The following CTNNA3 variants were observed in gnomAD, a reference collection of about 807,000 sequenced individuals.
CTNNA3 encodes catenin alpha-3.
CTNNA3 carries 76 observed loss-of-function variants against 95.7 expected under a neutral mutation model. The ratio of observed to expected loss-of-function variants is 0.79; its 90% confidence interval spans 0.66 to 0.96. The LOEUF (loss-of-function observed/expected upper bound fraction) is 0.96. CTNNA3 is among the 40% of genes least tolerant of loss of function. The pLI is 0.00. For synonymous variants in CTNNA3, 431 were observed against 374.4 expected (o/e 1.15, Z -1.74); for missense variants, 1,191 against 1,089.8 (o/e 1.09, Z -1.31).
intron 5 of CTNNA3, among the ~76,000 whole-genome samples, chr10:67,240,821 A>G (rs1297628579): frequency 2.0e-5 from 3 of 152,184 alleles, no homozygotes; most frequent in Admixed American, 6.5e-5. Flanking sequence ...GTGTCAGTCA[A>G]GAAAATGTAG....
intron 3 of CTNNA3, among the ~76,000 whole-genome samples, chr10:67,577,916 G>A (rs947830205): frequency 2.0e-5 from 3 of 148,450 alleles, no homozygotes; most frequent in African/African-American, 7.7e-5. Context: ...AGTCCTTTGG[G>A]AAATCTCCAT....
intron 6 of CTNNA3, among the ~76,000 whole-genome samples, chr10:67,218,756 T>C (rs187253421): frequency 4.6e-4 from 70 of 152,356 alleles, no homozygotes; most frequent in Non-Finnish European, 5.6e-4. Context: ...AGGTGGTTCA[T>C]GTAAAGTGTA....
intron 15 of CTNNA3, among the ~76,000 whole-genome samples, chr10:66,027,445 C>G (rs2079364195): frequency 6.6e-6 from 1 of 152,094 alleles, no homozygotes; most frequent in Admixed American, 6.6e-5. Flanking sequence ...TCTCCCTGTG[C>G]TCACCCTATG....
At chr10:67,386,434 A>G (rs1211727076) in intron 5 of CTNNA3, among the ~76,000 whole-genome samples, 1 of 152,016 alleles carries the variant, frequency 6.6e-6, no homozygotes, top group South Asian at 2.1e-4. Flanking sequence ...CTAACATACC[A>G]CATACCACCC....
At chr10:66,130,606 A>G (rs2133846586) in intron 13 of CTNNA3, among the ~76,000 whole-genome samples, 1 of 152,266 alleles carries the variant, frequency 6.6e-6, no homozygotes, top group Non-Finnish European at 1.5e-5. Context: ...GCACTTTAGG[A>G]AGCTAAGGCA....
intron 5 of CTNNA3, among the ~76,000 whole-genome samples, chr10:67,283,696 C>A (rs1453488560): frequency 1.3e-5 from 2 of 152,152 alleles, no homozygotes; most frequent in Non-Finnish European, 2.9e-5. Flanking sequence ...TACTTCCTGT[C>A]ATTCCTGCTC....
rs529017775 is a variant in CTNNA3 at position 66,309,509 on chromosome 10, T to G, written c.1733-28888A>C. Among the ~76,000 whole-genome samples the G allele has an allele frequency of 3.4e-4, 50 of 147,738 alleles. 1 individual carries two copies. The highest frequency in any genetic ancestry group is 2.8e-3 in the South Asian group (13 of 4,592). ...AGATCGAGACCATCCTGGCTAACACTGTGAAACCCCATCTACCAAAAATAC... is the reference window on the plus strand; with the variant it reads ...AGATCGAGACCATCCTGGCTAACACGGTGAAACCCCATCTACCAAAAATAC... On this transcript the variant is annotated intron_variant, in intron 12 of 17. Coordinates refer to ENST00000433211, the MANE Select transcript of CTNNA3 (RefSeq NM_013266.4).
intron 9 of CTNNA3, among the ~76,000 whole-genome samples, chr10:66,661,493 T>C (rs1198347199): frequency 1.3e-5 from 2 of 152,158 alleles, no homozygotes; most frequent in African/African-American, 4.8e-5. Context: ...CCAACCCATA[T>C]CAAATGTCAT....
At chr10:67,470,930 GCCACCACA>G (rs1295996015) in intron 5 of CTNNA3, among the ~76,000 whole-genome samples, 2 of 152,016 alleles carry the variant, frequency 1.3e-5, no homozygotes, top group African/African-American at 4.8e-5. Context: ...ACAGGCATGT[GCCACCACA>G]CCCAGCTAAT....
intron 13 of CTNNA3, among the ~76,000 whole-genome samples, chr10:66,153,974 A>G (rs2084344048): frequency 6.6e-6 from 1 of 151,668 alleles, no homozygotes; most frequent in East Asian, 1.9e-4. Context: ...TCCTTACTCT[A>G]TCATACCAGA....
intron 9 of CTNNA3, among the ~76,000 whole-genome samples, chr10:66,710,284 G>A (rs963843225): frequency 2.0e-5 from 3 of 151,898 alleles, no homozygotes; most frequent in Non-Finnish European, 4.4e-5. Context: ...CTTCTATAAG[G>A]GCAATCACAT....
intron 7 of CTNNA3, among the ~76,000 whole-genome samples, chr10:66,974,935 G>T (rs1039712774): frequency 6.6e-6 from 1 of 151,760 alleles, no homozygotes; most frequent in Non-Finnish European, 1.5e-5. Flanking sequence ...TCCAGTCCAG[G>T]TCAGCACAAG....
intron 11 of CTNNA3, among the ~76,000 whole-genome samples, chr10:66,460,744 C>T (rs1243619599): frequency 1.3e-5 from 2 of 152,170 alleles, no homozygotes; most frequent in East Asian, 3.9e-4. Context: ...GTTAAAATTT[C>T]ATCTTCTTCC....
At chr10:67,070,277 A>C (rs1485639960) in intron 7 of CTNNA3, among the ~76,000 whole-genome samples, 4 of 151,874 alleles carry the variant, frequency 2.6e-5, no homozygotes, top group Non-Finnish European at 5.9e-5. Context: ...TATTTGCAGG[A>C]GTTCTTATGT....
chr10:67,551,566 G>A (rs1280762069), intron 3 of CTNNA3, among the ~76,000 whole-genome samples: 1 of 152,140 alleles, frequency 6.6e-6, no homozygotes, highest in Non-Finnish European at 1.5e-5. Context: ...GTCTACGGAT[G>A]GCTAAACTAA....
At chr10:65,935,703 A>AGTGTGT (rs779817660) in intron 17 of CTNNA3, among the ~76,000 whole-genome samples, 2 of 151,990 alleles carry the variant, frequency 1.3e-5, no homozygotes, top group African/African-American at 2.4e-5. Context: ...TCATTTTCTA[A>AGTGTGT]GTGTGTGTGT....
chr10:66,027,682 G>A (rs1021997647), intron 15 of CTNNA3, among the ~76,000 whole-genome samples: 1 of 152,022 alleles, frequency 6.6e-6, no homozygotes, highest in Non-Finnish European at 1.5e-5. Context: ...CACAGTAAAG[G>A]AAGACTCAAT....
intron 5 of CTNNA3, among the ~76,000 whole-genome samples, chr10:67,300,173 C>T (rs528835784): frequency 2.0e-5 from 3 of 152,106 alleles, no homozygotes; most frequent in Admixed American, 6.5e-5. Flanking sequence ...GTTAAAAAAC[C>T]GCTCCCCCCA....
At chr10:67,434,723 A>G (rs1846239175) in intron 5 of CTNNA3, among the ~76,000 whole-genome samples, 1 of 151,956 alleles carries the variant, frequency 6.6e-6, no homozygotes, top group Non-Finnish European at 1.5e-5. Context: ...TTAAAGCTGA[A>G]ACCTATAAGG....
Sources: allele counts gnomAD v4.1 joint callset (sites outside exome capture counted in the v4.1 genomes callset), GRCh38; gene constraint gnomAD v4.1.1; transcripts MANE v1.5; gene names NCBI Gene and HGNC (gene_info 2026-07-23, HGNC 2026-07-21).